The following ZNF189 variants were observed in gnomAD, a reference collection of about 807,000 sequenced individuals.
ZNF189 encodes the protein zinc finger protein 189.
In ZNF189, 33 loss-of-function variants were observed where a neutral mutation model predicts 53.5. That is an observed-to-expected ratio of 0.62 (90% confidence interval 0.47 to 0.82). The LOEUF (loss-of-function observed/expected upper bound fraction) is 0.82, where lower values mean the gene tolerates loss of function less well. Among genes scored for constraint, ZNF189 ranks in the 40% least tolerant of loss-of-function variants. The pLI, the probability that ZNF189 is intolerant of heterozygous loss-of-function variation, is 0.00. For synonymous variants in ZNF189, 247 were observed against 238.8 expected, an observed-to-expected ratio of 1.03 and a Z score of -0.32; for missense variants, 711 against 753.9, an observed-to-expected ratio of 0.94 and a Z score of 0.67.
intron 2 of ZNF189, chr9:101,407,568 T>A (rs1020815232): frequency 3.6e-4 from 135 of 378,768 alleles, no homozygotes; most frequent in East Asian, 7.6e-4. Flanking sequence ...TAAAAAAAAA[T>A]TTTTTTTTTG....
intron 2 of ZNF189, among the ~76,000 whole-genome samples, chr9:101,407,148 CTT>C (rs1346703312): frequency 6.6e-6 from 1 of 152,140 alleles, no homozygotes; most frequent in Non-Finnish European, 1.5e-5. Flanking sequence ...CATTTTGTCT[CTT>C]TATACAGGAG....
At chr9:101,407,287 G>A (rs1830749981) in intron 2 of ZNF189, 1 of 396,150 alleles carries the variant, frequency 2.5e-6, no homozygotes, top group African/African-American at 2.1e-5. Context: ...CAATGTTTCT[G>A]GAGTGCTTTT....
intron 2 of ZNF189, among the ~76,000 whole-genome samples, chr9:101,401,082 T>C (rs967958359): frequency 5.3e-5 from 8 of 152,248 alleles, no homozygotes; most frequent in African/African-American, 1.9e-4. Context: ...CTTCAAATCC[T>C]GTATTTGTTA....
rs1830815068 is a variant in ZNF189 at position 101,408,645 on chromosome 9, T to C, written c.877T>C (p.Cys293Arg). The C allele has an allele frequency of 1.9e-6, 3 of 1,614,024 alleles. No individual in the cohort carries two copies. The highest frequency in any genetic ancestry group is 2.5e-6 in the Non-Finnish European group (3 of 1,179,998). ...TGAGAAACCTTATCACTGTACCAAA[T>C]GTAAGAAGAGCTTTAGTCGAAATTC... ...TGEKPYHCTKCKKSFSRNSLL... is the reference protein window; with the variant it reads ...TGEKPYHCTKRKKSFSRNSLL... Residue 293 changes from cysteine to arginine, a missense_variant, in exon 3 of 3, where the codon TGT becomes CGT. Coordinates refer to ENST00000339664, the MANE Select transcript of ZNF189 (RefSeq NM_003452.4).
At position 101,408,552 on chromosome 9, in the gene ZNF189, T is replaced by G. The variant is rs748222526; in HGVS notation, c.784T>G (p.Cys262Gly). 8.1e-6 allele frequency: 13 copies of G among 1,614,064 alleles called. No individual in the cohort carries two copies. The part of the protein sequence containing the change: ...RIHTGEKPHK[C>G]SDCGKAFSWK... ...TCATACAGGTGAGAAACCCCATAAA[T>G]GTAGTGACTGTGGGAAAGCCTTCAG... Residue 262 changes from cysteine (C) to glycine (G), a missense_variant, in exon 3 of 3, where the codon TGT becomes GGT. By Grantham distance (159) the Cys-to-Gly change is radical (BLOSUM62 -3). Transcript: ENST00000339664.
intron 2 of ZNF189, among the ~76,000 whole-genome samples, chr9:101,404,979 A>T (rs1830659394): frequency 6.6e-6 from 1 of 151,234 alleles, no homozygotes; most frequent in East Asian, 1.9e-4. Flanking sequence ...AAACTTAAAG[A>T]TTGCTTTGAA....
At chr9:101,404,056 C>T (rs1250933195) in intron 2 of ZNF189, among the ~76,000 whole-genome samples, 2 of 152,208 alleles carry the variant, frequency 1.3e-5, no homozygotes, top group Non-Finnish European at 2.9e-5. Flanking sequence ...CACTTTGAGA[C>T]AACTATCTGT....
intron 2 of ZNF189, among the ~76,000 whole-genome samples, chr9:101,400,256 G>C (rs1229471816): frequency 6.6e-6 from 1 of 152,000 alleles, no homozygotes; most frequent in Non-Finnish European, 1.5e-5. Flanking sequence ...TTCCGTCCTG[G>C]CTCATCCTCC....
At chr9:101,399,813 C>G (rs746716643) in intron 1 of ZNF189, 71 bp from the exon 2 acceptor site, 182 of 1,603,164 alleles carry the variant, frequency 1.1e-4, no homozygotes, top group Middle Eastern at 3.3e-4. Flanking sequence ...AAGTGATTGC[C>G]TCTGTCACTT....
At position 101,399,864 on chromosome 9, in the gene ZNF189, C is replaced by A; in HGVS notation, c.34-20C>A. 1.2e-6 allele frequency: 2 copies of A among 1,613,854 alleles called. No individual in the cohort carries two copies. Among genetic ancestry groups the A allele is most frequent in the Middle Eastern group, 1.7e-4 (1 of 6,060 alleles). On this transcript the variant is annotated intron_variant, in intron 1 of 2. Coordinates refer to ENST00000339664, the MANE Select transcript of ZNF189 (RefSeq NM_003452.4). ...TCCTTGAGACAACAGGAACTGACTA[C>A]AGAAATCATACTATTTCAGGGGTTG... is the stretch of plus-strand genomic sequence containing the variant.
chr9:101,409,548 A>AAAACCCAAG lies in ZNF189; in HGVS notation c.1788_1796dup (p.Gln596_Thr598dup), dbSNP rs1564072883. ...CCATCAGAAGATCCATGCAGAGGTG[A>AAAACCCAAG]AAACCCAAGAAACCCATGAATGTGA... On this transcript the variant is annotated inframe_insertion, in exon 3 of 3. Coordinates refer to ENST00000339664, the MANE Select transcript of ZNF189 (RefSeq NM_003452.4). 1 of 1,614,112 alleles carries AAAACCCAAG rather than the reference A, an allele frequency of 6.2e-7. No homozygotes were observed. Among genetic ancestry groups the AAAACCCAAG allele is most frequent in the East Asian group, 2.2e-5 (1 of 44,872 alleles).
intron 2 of ZNF189, among the ~76,000 whole-genome samples, chr9:101,406,443 C>T (rs1328459699): frequency 6.6e-6 from 1 of 151,972 alleles, no homozygotes; most frequent in Non-Finnish European, 1.5e-5. Context: ...CTTTATGTAC[C>T]ATTGGCAGAT....
At position 101,407,987 on chromosome 9, in the gene ZNF189, T is replaced by A. The variant is rs753746192; in HGVS notation, c.219T>A (p.Ile73=). 6.2e-6 allele frequency: 10 copies of A among 1,605,336 alleles called. No homozygotes were observed. In the East Asian group the frequency reaches 2.2e-4, roughly 36 times the overall value. ...CTGTAAAACAAGAGATTGAAGAAAT[T>A]GAGGAAGAAGTGGAACCACAGGGTG... ...EPTVKQEIEE[I]EEEVEPQGVI... Residue 73 remains isoleucine, a synonymous_variant, in exon 3 of 3, where the codon ATT becomes ATA. Transcript: ENST00000339664.
In ZNF189 at chr9:101,399,170, GC is replaced by G. The variant is rs745895168; in HGVS notation, c.20del (p.Pro7ArgfsTer8). 2.5e-6 allele frequency: 4 copies of G among 1,592,292 alleles called. No homozygotes were observed. Among genetic ancestry groups the G allele is most frequent in the Non-Finnish European group, 3.4e-6 (4 of 1,162,686 alleles). On this transcript the variant is annotated frameshift_variant, in exon 1 of 3. Transcript: ENST00000339664. LOFTEE classifies it high-confidence loss of function. Reference sequence around the variant, plus strand: ...TCTGCCTGGGAGATGGCTTCCCCGAGCCCCCCGCCGGAGTCGAAGGTAAGTA... The same window carrying G: ...TCTGCCTGGGAGATGGCTTCCCCGAGCCCCCGCCGGAGTCGAAGGTAAGTA... MASP[S>X]PPPESKGLLT...
Position 101,409,328 on chromosome 9 carries a change from C to T in ZNF189, c.1560C>T (p.Ser520=). The change falls in exon 3 of 3, where the codon AGC becomes AGT. Residue 520 remains serine (S), a synonymous_variant. Transcript: ENST00000339664. ...RPYLCRQCGK[S]FSQLCNLIRH... Reference sequence around the variant, plus strand: ...ATCTGTGCAGACAGTGTGGAAAAAGCTTTAGTCAGCTTTGTAATCTTATTC... The same window carrying T: ...ATCTGTGCAGACAGTGTGGAAAAAGTTTTAGTCAGCTTTGTAATCTTATTC... 6.2e-7 allele frequency: 1 copy of T among 1,614,058 alleles called. No homozygotes were observed. Among genetic ancestry groups the T allele is most frequent in the Non-Finnish European group, 8.5e-7 (1 of 1,180,014 alleles).
In ZNF189 at chr9:101,409,234, G is replaced by A. The variant is rs762431942; in HGVS notation, c.1466G>A (p.Cys489Tyr). 6.2e-7 allele frequency: 1 copy of A among 1,613,378 alleles called. No individual in the cohort carries two copies. Among genetic ancestry groups the A allele is most frequent in the Non-Finnish European group, 8.5e-7 (1 of 1,179,540 alleles). Reference sequence around the variant, plus strand: ...GAAAAGCCCTATCTATGTACTGTCTGTGGGAAAAGCTTCAGCCGGAGCTCA... The same window carrying A: ...GAAAAGCCCTATCTATGTACTGTCTATGGGAAAAGCTTCAGCCGGAGCTCA... ...TGEKPYLCTV[C>Y]GKSFSRSSFL... Residue 489 changes from cysteine (C) to tyrosine (Y), a missense_variant, in exon 3 of 3, where the codon TGT becomes TAT. Coordinates refer to ENST00000339664, the MANE Select transcript of ZNF189 (RefSeq NM_003452.4).
chr9:101,409,945 T>G lies in ZNF189; in HGVS notation c.*296T>G. ...GGTGCTCTGAGGGACAAAGTTGGATTAGTATAAGGGAGCTGGAGCAGCTGA... is the reference window on the plus strand; with the variant it reads ...GGTGCTCTGAGGGACAAAGTTGGATGAGTATAAGGGAGCTGGAGCAGCTGA... On this transcript the variant is annotated 3_prime_UTR_variant, in exon 3 of 3. Coordinates refer to ENST00000339664, the MANE Select transcript of ZNF189 (RefSeq NM_003452.4). 1 of 297,792 alleles carries G rather than the reference T, an allele frequency of 3.4e-6. No individual in the cohort carries two copies. The highest frequency in any genetic ancestry group is 6.3e-6 in the Non-Finnish European group (1 of 159,832). 18.4% of individuals were successfully genotyped at this position (297,792 alleles called of 1,614,324 possible). A position where few individuals can be genotyped will look rare whatever the true frequency, so the allele number is the denominator to read the frequency against.
chr9:101,405,325 C>G (rs568744118), intron 2 of ZNF189, among the ~76,000 whole-genome samples: 25 of 152,164 alleles, frequency 1.6e-4, no homozygotes, highest in African/African-American at 6.0e-4. Context: ...TATAAGGCAG[C>G]TACATGATTG....
rs757811332 is a variant in ZNF189, at chr9:101,409,365, G to C, written c.1597G>C (p.Val533Leu). The C allele has an allele frequency of 6.2e-7, 1 of 1,613,806 alleles. No homozygotes were observed. The highest frequency in any genetic ancestry group is 1.1e-5 in the South Asian group (1 of 91,058). The part of the protein sequence containing the change: ...QLCNLIRHQG[V>L]HTGNKPHKCD... ...TTGTAATCTTATTCGACATCAGGGT[G>C]TTCACACAGGTAATAAACCCCATAA... The change falls in exon 3 of 3, where the codon GTT (valine) becomes CTT (leucine). Residue 533 changes from valine (V) to leucine (L), a missense_variant. Transcript: ENST00000339664.
Sources: gnomAD v4.1 joint callset for allele counts (sites outside exome capture counted in the v4.1 genomes callset) on GRCh38, gnomAD v4.1.1 for gene constraint, MANE v1.5 for transcripts, NCBI Gene and HGNC (gene_info 2026-07-23, HGNC 2026-07-21) for gene names.